Variants in TDG observed in about 807,000 individuals in gnomAD.
The protein encoded by TDG is G/T mismatch-specific thymine DNA glycosylase.
TDG carries 23 observed loss-of-function variants against 46.1 expected under a neutral mutation model. The ratio of observed to expected loss-of-function variants is 0.50; its 90% CI spans 0.36 to 0.71. The LOEUF (loss-of-function observed/expected upper bound fraction) is 0.71. TDG is among the 30% of genes least tolerant of loss of function. TDG has a pLI of 0.00. For synonymous variants in TDG, 115 were observed against 161.3 expected (o/e 0.71, Z 2.18); for missense variants, 304 against 486.7 (o/e 0.62, Z 3.53).
chr12:103,968,433 A>T (rs1018090576), intron 1 of TDG, among the ~76,000 whole-genome samples: 5 of 152,214 alleles, frequency 3.3e-5, no homozygotes, highest in Non-Finnish European at 5.9e-5. Flanking sequence ...AGAAGAATAA[A>T]AAAGATTTGG....
rs1450626002 is a variant in TDG at position 103,985,680 on chromosome 12, G to C, written c.1042G>C (p.Glu348Gln). ...YEAAYGGAYG[E>Q]NPCSSEPCGF... ...GGCAGCATATGGTGGTGCTTACGGA[G>C]AAAATCCATGCAGCAGTGAACCTTG... is the stretch of plus-strand genomic sequence containing the variant. Residue 348 changes from glutamate (E) to glutamine (Q), a missense_variant, in exon 9 of 10, where the codon GAA becomes CAA. Physicochemically the swap from Glu to Gln is conservative, Grantham distance 29 (BLOSUM62 2). Transcript: ENST00000392872. 6.2e-7 allele frequency: 1 copy of C among 1,614,084 alleles called. No individual in the cohort carries two copies. The highest frequency in any genetic ancestry group is 2.2e-5 in the East Asian group (1 of 44,878).
intron 2 of TDG, 96 bp downstream of exon 2, chr12:103,977,156 T>G: frequency 6.6e-7 from 1 of 1,505,870 alleles, no homozygotes; most frequent in Non-Finnish European, 8.9e-7. Context: ...ATTTTAGTGT[T>G]AAAAAGTCAA....
chr12:103,977,749 G>A (rs1202464049), intron 2 of TDG, among the ~76,000 whole-genome samples: 1 of 152,176 alleles, frequency 6.6e-6, no homozygotes, highest in Non-Finnish European at 1.5e-5. Flanking sequence ...AAGATAGATT[G>A]GTTGGTAGAC....
In TDG at chr12:103,979,813, A is replaced by G; in HGVS notation, c.167-18A>G. 6.5e-7 allele frequency: 1 copy of G among 1,534,782 alleles called. No individual in the cohort carries two copies. The highest frequency in any genetic ancestry group is 8.7e-7 in the Non-Finnish European group (1 of 1,150,224). On this transcript the variant is annotated intron_variant, in intron 2 of 9. Transcript: ENST00000392872. ...AAGTTAAGATTTTCTGCATTTCTGGAAATTATTTGTATTTCAGAGGCTCCA... is the reference window on the plus strand; with the variant it reads ...AAGTTAAGATTTTCTGCATTTCTGGGAATTATTTGTATTTCAGAGGCTCCA...
rs1378394461 is a variant in TDG at position 103,982,924 on chromosome 12, G to T, written c.604G>T (p.Asp202Tyr). The T allele has an allele frequency of 1.1e-5, 18 of 1,614,020 alleles. No homozygotes were observed. The Admixed American group carries it at 3.0e-4, about 27-fold the overall frequency. The part of the protein sequence containing the change: ...MVERTTPGSK[D>Y]LSSKEFREGG... ...GGAAAGGACCACGCCCGGCAGCAAA[G>T]ATCTCTCCAGGTAAGTACACAGCAT... Residue 202 changes from aspartate to tyrosine, a missense_variant, in exon 5 of 10, where the codon GAT becomes TAT. Asp to Tyr is a radical substitution (Grantham distance 160, BLOSUM62 -3). Coordinates refer to ENST00000392872, the MANE Select transcript of TDG (RefSeq NM_003211.6).
rs538588436 is a variant in TDG at position 103,973,141 on chromosome 12, A to G, written c.24-3777A>G. On this transcript the variant is annotated intron_variant, in intron 1 of 9. Transcript: ENST00000392872. The stretch of plus-strand genomic sequence containing the variant: ...CTCTTGTTGTCCAGGCTGGAGTGCA[A>G]TGGCATCATCTCGGCTCACCACAAC... 1,642 of 618,636 alleles carry G rather than the reference A, an allele frequency of 2.7e-3. 3 individuals are homozygous for G. The highest frequency in any genetic ancestry group is 4.0e-3 in the Non-Finnish European group (1,388 of 347,932). 38.3% of individuals were successfully genotyped at this position (618,636 alleles called of 1,614,324 possible). A position where few individuals can be genotyped will look rare whatever the true frequency, so the allele number is the denominator to read the frequency against.
chr12:103,975,375 G>A (rs917438267), intron 1 of TDG, among the ~76,000 whole-genome samples: 6 of 152,122 alleles, frequency 3.9e-5, no homozygotes, highest in African/African-American at 1.4e-4. Context: ...TCTATTTTGT[G>A]TTGCTGTTTC....
rs189029530 is a variant in TDG at position 103,984,081 on chromosome 12, T to G, written c.793-668T>G. Among the ~76,000 whole-genome samples, 14 of 152,368 alleles carry G rather than the reference T, an allele frequency of 9.2e-5. 1 individual carries two copies. The highest frequency in any genetic ancestry group is 3.4e-3 in the Middle Eastern group (1 of 294). On this transcript the variant is annotated intron_variant, in intron 7 of 9. Transcript: ENST00000392872. ...TTGCTGCCAGGTTTTTGTGGAAACC[T>G]AAAAATGTTTCTGCCACCTAAATAT...
chr12:103,973,698 G>A (rs1871381041), intron 1 of TDG, among the ~76,000 whole-genome samples: 1 of 152,150 alleles, frequency 6.6e-6, no homozygotes, highest in Non-Finnish European at 1.5e-5. Context: ...TTTACTTTGT[G>A]CCAGGTATGC....
At chr12:103,970,004 A>G (rs2136232050) in intron 1 of TDG, among the ~76,000 whole-genome samples, 1 of 152,356 alleles carries the variant, frequency 6.6e-6, no homozygotes, top group Non-Finnish European at 1.5e-5. Context: ...TATGGTGAAT[A>G]CACAGACCTC....
chr12:103,973,235 G>A (rs1396034615), intron 1 of TDG, among the ~76,000 whole-genome samples: 3 of 151,994 alleles, frequency 2.0e-5, no homozygotes, highest in East Asian at 3.9e-4. Context: ...ACAGGCATGC[G>A]CCACCACACC....
chr12:103,985,192 C>CACACACACACACAG (rs1872076701), intron 8 of TDG, among the ~76,000 whole-genome samples: 1 of 142,916 alleles, frequency 7.0e-6, no homozygotes, highest in Non-Finnish European at 1.6e-5. Context: ...CACACACACA[C>CACACACACACACAG]ACACACACAC....
In TDG at chr12:103,988,152, C is replaced by G. The variant is rs1405952282; in HGVS notation, c.*1062C>G. 6.6e-6 allele frequency: 1 copy of G among 152,588 alleles called. No homozygotes were observed. The highest frequency in any genetic ancestry group is 1.5e-5 in the Non-Finnish European group (1 of 68,040). 9.5% of individuals were successfully genotyped at this position (152,588 alleles called of 1,614,324 possible). ...CTTTGTGATTTTCTAATGAGTTTTC[C>G]ATGGTGCTACAAATAATCCAGACTA... On this transcript the variant is annotated 3_prime_UTR_variant, in exon 10 of 10. Transcript: ENST00000392872.
At chr12:103,977,085 A>C (rs549706045) in intron 2 of TDG, 25 bp downstream of exon 2, 1 of 1,588,546 alleles carries the variant, frequency 6.3e-7, no homozygotes, top group South Asian at 1.2e-5. Context: ...AGAGCTTAGA[A>C]AGTTCAACAT....
At chr12:103,977,807 T>TA (rs1871612072) in intron 2 of TDG, among the ~76,000 whole-genome samples, 1 of 152,152 alleles carries the variant, frequency 6.6e-6, no homozygotes, top group African/African-American at 2.4e-5. Context: ...CTCATACCTG[T>TA]AATCCCTGCA....
chr12:103,987,592 C>A lies in TDG; in HGVS notation c.*502C>A. ...GGTAACTAAGGGTAAACTCAGGGTT[C>A]CCTGAGCTATATGCACACTCAGACC... is the stretch of plus-strand genomic sequence containing the variant. On this transcript the variant is annotated 3_prime_UTR_variant, in exon 10 of 10. Transcript: ENST00000392872. The A allele has an allele frequency of 6.4e-6, 1 of 155,434 alleles. No homozygotes were observed. The highest frequency in any genetic ancestry group is 1.4e-5 in the Non-Finnish European group (1 of 69,688). 9.6% of individuals were successfully genotyped at this position (155,434 alleles called of 1,614,324 possible).
Position 103,965,916 on chromosome 12 carries a change from T to A in TDG, c.-122T>A. On this transcript the variant is annotated 5_prime_UTR_variant, in exon 1 of 10. Transcript: ENST00000392872. ...TTGAGTCCAGCCACTGTCTGGGTAC[T>A]GCCAGCCATCGGGCCCAGGTCTCTG... is the stretch of plus-strand genomic sequence containing the variant. 2 of 1,442,840 alleles carry A rather than the reference T, an allele frequency of 1.4e-6. No homozygotes were observed. The highest frequency in any genetic ancestry group is 1.9e-6 in the Non-Finnish European group (2 of 1,070,644). The allele number at this position is 1,442,840 out of a possible 1,614,324, so 89.4% of individuals were successfully genotyped here. A position where few individuals can be genotyped will look rare whatever the true frequency, so the allele number is the denominator to read the frequency against.
At chr12:103,979,782 GT>G in intron 2 of TDG, 48 bp from the exon 3 acceptor site, 1 of 1,528,414 alleles carries the variant, frequency 6.5e-7, no homozygotes, top group Non-Finnish European at 8.7e-7. Flanking sequence ...AGCTGCTAAA[GT>G]TTCTAAGTTA....
At chr12:103,966,193 T>G in intron 1 of TDG, 133 bp downstream of exon 1, 2 of 1,246,082 alleles carry the variant, frequency 1.6e-6, no homozygotes, top group Non-Finnish European at 2.1e-6. Context: ...GCGTGCGCAC[T>G]GTGGCCTGGT....
Sources: gnomAD v4.1 joint callset for allele counts (sites outside exome capture counted in the v4.1 genomes callset) on GRCh38, gnomAD v4.1.1 for gene constraint, MANE v1.5 for transcripts, NCBI Gene and HGNC (gene_info 2026-07-23, HGNC 2026-07-21) for gene names.